The following KCNMB2 variants were observed in gnomAD, a reference collection of about 807,000 sequenced individuals.
KCNMB2 encodes the protein calcium-activated potassium channel subunit beta-2.
Under a neutral mutation model 24.5 loss-of-function variants are expected in KCNMB2, and 9 were observed. The ratio of observed to expected loss-of-function variants is 0.37; its 90% CI spans 0.22 to 0.64. The LOEUF (loss-of-function observed/expected upper bound fraction) is 0.64, where lower values mean the gene tolerates loss of function less well. Among genes scored for constraint, KCNMB2 ranks in the 30% least tolerant of loss-of-function variants. The pLI is 0.63. For synonymous variants in KCNMB2, 109 were observed against 104.4 expected (o/e 1.04, Z -0.27); for missense variants, 226 against 284.3 (o/e 0.79, Z 1.47).
intron 1 of KCNMB2, among the ~76,000 whole-genome samples, chr3:178,678,889 CTTTCCTGATCTTCTTTCTAAA>C (rs554146117): frequency 6.6e-6 from 1 of 152,234 alleles, no homozygotes; most frequent in East Asian, 1.9e-4. Flanking sequence ...ATCCATAGAC[CTTTCCTGATCTTCTTTCTAAA>C]ATAAATCCTT....
intron 1 of KCNMB2, among the ~76,000 whole-genome samples, chr3:178,615,098 C>T (rs538930009): frequency 1.3e-5 from 2 of 152,294 alleles, no homozygotes; most frequent in South Asian, 4.2e-4. Context: ...CCTGTTTCTC[C>T]CCTTACTTTC....
chr3:178,567,629 G>T (rs1716573418), intron 1 of KCNMB2, among the ~76,000 whole-genome samples: 2 of 142,000 alleles, frequency 1.4e-5, no homozygotes, highest in Admixed American at 1.3e-4. Context: ...AAAATATAAA[G>T]AAAATTATAA....
chr3:178,777,196 C>T (rs1159808752), intron 1 of KCNMB2, among the ~76,000 whole-genome samples: 1 of 151,980 alleles, frequency 6.6e-6, no homozygotes, highest in Non-Finnish European at 1.5e-5. Flanking sequence ...AGCACTTTGG[C>T]AGGTCAAGGC....
intron 1 of KCNMB2, among the ~76,000 whole-genome samples, chr3:178,698,558 C>A (rs910940334): frequency 6.6e-6 from 1 of 152,222 alleles, no homozygotes; most frequent in African/African-American, 2.4e-5. Flanking sequence ...TGGGTTTCAA[C>A]ATACTCCTGT....
intron 1 of KCNMB2, among the ~76,000 whole-genome samples, chr3:178,651,718 C>T (rs1430126048): frequency 6.6e-6 from 1 of 152,148 alleles, no homozygotes; most frequent in Non-Finnish European, 1.5e-5. Context: ...GGTACCAAAA[C>T]AGATAAATAG....
chr3:178,605,313 C>A (rs533393214), intron 1 of KCNMB2, among the ~76,000 whole-genome samples: 1 of 152,252 alleles, frequency 6.6e-6, no homozygotes, highest in Non-Finnish European at 1.5e-5. Flanking sequence ...GACTTCCCAG[C>A]CTCTAAAGCT....
intron 1 of KCNMB2, among the ~76,000 whole-genome samples, chr3:178,727,514 C>T (rs1315832477): frequency 6.6e-6 from 1 of 152,058 alleles, no homozygotes; most frequent in African/African-American, 2.4e-5. Context: ...TTGTATTATC[C>T]TTGTGAGCCC....
At chr3:178,740,552 CATA>C (rs1450426095) in intron 1 of KCNMB2, among the ~76,000 whole-genome samples, 5 of 152,186 alleles carry the variant, frequency 3.3e-5, no homozygotes, top group African/African-American at 1.2e-4. Context: ...TATTCTTCCA[CATA>C]ATAATCTTAG....
rs1711750837 is a variant in KCNMB2, at chr3:178,760,178, GAGGATATATCTATATATATAT to G, written c.-67-47163_-67-47143del. Among the ~76,000 whole-genome samples the G allele has an allele frequency of 4.8e-4, 15 of 31,160 alleles. 1 individual carries two copies. The highest frequency in any genetic ancestry group is 6.8e-4 in the Non-Finnish European group (13 of 19,082). 20.4% of individuals were successfully genotyped at this position (31,160 alleles called of 152,430 possible). A position where few individuals can be genotyped will look rare whatever the true frequency, so the allele number is the denominator to read the frequency against. On this transcript the variant is annotated intron_variant, in intron 1 of 4. Coordinates refer to ENST00000452583, the MANE Select transcript of KCNMB2 (RefSeq NM_181361.3). ...TATCTATATATATATATATATCCAA[GAGGATATATCTATATATATAT>G]ATATATCCAAGAGGATATATCTATA...
chr3:178,638,990 G>T (rs1156930345), intron 1 of KCNMB2, among the ~76,000 whole-genome samples: 1 of 152,100 alleles, frequency 6.6e-6, no homozygotes, highest in Non-Finnish European at 1.5e-5. Context: ...TTATGCAGTG[G>T]TAGCTACAGA....
chr3:178,557,531 G>C (rs888816295), intron 1 of KCNMB2, among the ~76,000 whole-genome samples: 1 of 152,122 alleles, frequency 6.6e-6, no homozygotes, highest in Admixed American at 6.5e-5. Context: ...TTTCCACAGA[G>C]ATAAACAAGG....
At position 178,542,872 on chromosome 3, in the gene KCNMB2, C is replaced by T. The variant is rs562802372; in HGVS notation, c.-68+6161C>T. On this transcript the variant is annotated intron_variant, in intron 1 of 4. Transcript: ENST00000452583. ...TATCTTGGTTTGAATCCCAGTTCTGCGTCTTGCCTGAGTCTCCCTTTCCTC... is the reference window on the plus strand; with the variant it reads ...TATCTTGGTTTGAATCCCAGTTCTGTGTCTTGCCTGAGTCTCCCTTTCCTC... Among the ~76,000 whole-genome samples the T allele has an allele frequency of 1.5e-4, 23 of 152,242 alleles. No individual in the cohort carries two copies. The East Asian group carries it at 1.7e-3, about 12-fold the overall frequency.
chr3:178,781,330 G>A (rs1026142876), intron 1 of KCNMB2, among the ~76,000 whole-genome samples: 4 of 152,122 alleles, frequency 2.6e-5, no homozygotes, highest in Non-Finnish European at 2.9e-5. Context: ...GGTGGCTCAC[G>A]CCTGTAATCC....
chr3:178,631,372 T>C (rs1015517882), intron 1 of KCNMB2, among the ~76,000 whole-genome samples: 2 of 152,194 alleles, frequency 1.3e-5, no homozygotes, highest in Admixed American at 6.5e-5. Flanking sequence ...ACAGCTACAT[T>C]GAGACTGAAA....
chr3:178,573,916 A>C (rs1392749196), intron 1 of KCNMB2, among the ~76,000 whole-genome samples: 2 of 152,158 alleles, frequency 1.3e-5, no homozygotes, highest in African/African-American at 4.8e-5. Context: ...AGAGATGAAA[A>C]TGATCAAGAA....
intron 1 of KCNMB2, among the ~76,000 whole-genome samples, chr3:178,694,179 G>C (rs1033218272): frequency 5.9e-5 from 9 of 152,212 alleles, no homozygotes; most frequent in African/African-American, 2.2e-4. Flanking sequence ...TGAGTGGACA[G>C]TGGACTGGAA....
chr3:178,794,090 T>A lies in KCNMB2; in HGVS notation c.-67-13253T>A, dbSNP rs111554932. Among the ~76,000 whole-genome samples, 371 of 152,274 alleles carry A rather than the reference T, an allele frequency of 2.4e-3. 3 individuals are homozygous for A. The highest frequency in any genetic ancestry group is 8.4e-3 in the African/African-American group (348 of 41,556). On this transcript the variant is annotated intron_variant, in intron 1 of 4. Transcript: ENST00000452583. ...TATTACACGGTTGCAAAGCAGCCACTGGCCCCAGGTACAGAGGTGAACACT... is the reference window on the plus strand; with the variant it reads ...TATTACACGGTTGCAAAGCAGCCACAGGCCCCAGGTACAGAGGTGAACACT...
chr3:178,545,035 G>A (rs1715733307), intron 1 of KCNMB2, among the ~76,000 whole-genome samples: 1 of 152,072 alleles, frequency 6.6e-6, no homozygotes, highest in Admixed American at 6.6e-5. Context: ...CTGCTTGACT[G>A]GGGATTTAGG....
At chr3:178,656,335 C>T (rs185709568) in intron 1 of KCNMB2, among the ~76,000 whole-genome samples, 33 of 152,272 alleles carry the variant, frequency 2.2e-4, no homozygotes, top group African/African-American at 6.7e-4. Flanking sequence ...TGCTAACAAA[C>T]ACTGAATTCA....
Sources: allele counts gnomAD v4.1 joint callset (sites outside exome capture counted in the v4.1 genomes callset), GRCh38; gene constraint gnomAD v4.1.1; transcripts MANE v1.5; gene names NCBI Gene and HGNC (gene_info 2026-07-23, HGNC 2026-07-21).